ABCA12: variants seen among roughly 807,000 people sequenced by gnomAD.
ABCA12 encodes glucosylceramide transporter ABCA12.
A neutral mutation model predicts 293.5 loss-of-function variants in ABCA12; 156 were observed. The ratio of observed to expected loss-of-function variants is 0.53; its 90% CI spans 0.47 to 0.61. The LOEUF (loss-of-function observed/expected upper bound fraction) is 0.61. Among genes scored for constraint, ABCA12 ranks in the 20% least tolerant of loss-of-function variants. The pLI is 0.00. For synonymous variants in ABCA12, 1,063 were observed against 1,108.0 expected (o/e 0.96, Z 0.81); for missense variants, 2,797 against 3,090.2 (o/e 0.91, Z 2.25).
Position 215,133,787 on chromosome 2 carries a change from C to G in ABCA12, c.69+4353G>C, listed in dbSNP as rs144081212. On this transcript the variant is annotated intron_variant, in intron 1 of 52. Transcript: ENST00000272895. ...CACAGATATTAAAAATCATCAATTT[C>G]CAAGGCCTCCTTAGCAGATATTATC... 2.8e-3 allele frequency among the ~76,000 whole-genome samples: 423 copies of G among 152,146 alleles called. 2 individuals are homozygous for G. The highest frequency in any genetic ancestry group is 4.3e-3 in the Non-Finnish European group (293 of 67,980).
At chr2:215,111,105 G>T (rs901706941) in intron 2 of ABCA12, among the ~76,000 whole-genome samples, 2 of 152,284 alleles carry the variant, frequency 1.3e-5, no homozygotes, top group African/African-American at 2.4e-5. Context: ...CTGAAAGAGC[G>T]CTAATTAGAT....
chr2:214,979,295 G>A (rs1001136241), intron 31 of ABCA12, among the ~76,000 whole-genome samples: 1 of 151,894 alleles, frequency 6.6e-6, no homozygotes, highest in Non-Finnish European at 1.5e-5. Context: ...TCTCTTTTCT[G>A]TTGCTAGAGG....
At chr2:215,038,173 T>C (rs1029151092) in intron 7 of ABCA12, among the ~76,000 whole-genome samples, 11 of 152,136 alleles carry the variant, frequency 7.2e-5, no homozygotes, top group Non-Finnish European at 1.5e-4. Flanking sequence ...GATATACATG[T>C]GGATATGTGT....
intron 26 of ABCA12, among the ~76,000 whole-genome samples, chr2:214,988,885 A>C (rs1228526931): frequency 6.6e-6 from 1 of 151,888 alleles, no homozygotes; most frequent in Admixed American, 6.6e-5. Context: ...TTTTAATTAA[A>C]AAAAAGTTAA....
intron 2 of ABCA12, among the ~76,000 whole-genome samples, chr2:215,094,216 T>C (rs11888355): frequency 0.041 from 6,260 of 152,270 alleles, 414 homozygotes; most frequent in African/African-American, 0.14. Context: ...TGTCCTCCTT[T>C]ATTAATGCCT....
At chr2:214,993,303 C>T (rs1377409180) in intron 23 of ABCA12, among the ~76,000 whole-genome samples, 1 of 152,182 alleles carries the variant, frequency 6.6e-6, no homozygotes, top group Non-Finnish European at 1.5e-5. Context: ...AAATATGGGT[C>T]AAAGTAGCAT....
chr2:215,079,738 G>T (rs1054185260), intron 2 of ABCA12, among the ~76,000 whole-genome samples: 5 of 152,068 alleles, frequency 3.3e-5, no homozygotes, highest in Admixed American at 3.3e-4. Context: ...TTTTGGTGAG[G>T]TTGTACAGTT....
At chr2:214,957,583 G>A (rs1387841190) in intron 41 of ABCA12, among the ~76,000 whole-genome samples, 1 of 152,176 alleles carries the variant, frequency 6.6e-6, no homozygotes, top group African/African-American at 2.4e-5. Context: ...TGGATATGCA[G>A]TTAATTACTC....
chr2:214,957,747 G>C (rs979075903), intron 41 of ABCA12, among the ~76,000 whole-genome samples: 1 of 152,188 alleles, frequency 6.6e-6, no homozygotes, highest in Non-Finnish European at 1.5e-5. Context: ...ATGCAAATGA[G>C]AGAGCTATCA....
chr2:215,124,269 A>T (rs946591092), intron 1 of ABCA12, among the ~76,000 whole-genome samples: 3 of 152,226 alleles, frequency 2.0e-5, no homozygotes, highest in African/African-American at 7.2e-5. Flanking sequence ...GTGCTTCTAT[A>T]AACGTGTGTG....
chr2:214,931,915 C>G lies in ABCA12; in HGVS notation c.*719G>C, dbSNP rs1227646522. The G allele has an allele frequency of 1.3e-5, 2 of 152,132 alleles. No homozygotes were observed. Among genetic ancestry groups the G allele is most frequent in the Non-Finnish European group, 2.9e-5 (2 of 68,138 alleles). The allele number at this position is 152,132 out of a possible 1,614,324, so 9.4% of individuals were successfully genotyped here. On this transcript the variant is annotated 3_prime_UTR_variant, in exon 53 of 53. Coordinates refer to ENST00000272895, the MANE Select transcript of ABCA12 (RefSeq NM_173076.3). ...CACCCATTCCCCCCTCCCTTCCCCC[C>G]AGAGCAAGTGATTTCTTGTTCCACC...
chr2:215,125,625 A>G (rs961191106), intron 1 of ABCA12, among the ~76,000 whole-genome samples: 2 of 151,986 alleles, frequency 1.3e-5, no homozygotes, highest in African/African-American at 4.8e-5. Flanking sequence ...GAGAAGAGCT[A>G]CTGATTTTTC....
At chr2:214,997,108 C>T (rs960082713) in intron 23 of ABCA12, among the ~76,000 whole-genome samples, 2 of 152,164 alleles carry the variant, frequency 1.3e-5, no homozygotes, top group Non-Finnish European at 2.9e-5. Flanking sequence ...ATGCATCACA[C>T]TCCTGGTTCT....
rs554466088 is a variant in ABCA12 at position 214,944,933 on chromosome 2, G to A, written c.7343+68C>T. ...TGTATATATTTATTTATGTTATACA[G>A]GATTACCTTTTCCCACCTGTCATCC... On this transcript the variant is annotated intron_variant, in intron 49 of 52. Transcript: ENST00000272895. The A allele has an allele frequency of 2.5e-6, 3 of 1,224,254 alleles. No individual in the cohort carries two copies. In the African/African-American group the frequency reaches 4.5e-5, roughly 18 times the overall value. 75.8% of individuals were successfully genotyped at this position (1,224,254 alleles called of 1,614,324 possible). A position where few individuals can be genotyped will look rare whatever the true frequency, so the allele number is the denominator to read the frequency against.
intron 2 of ABCA12, among the ~76,000 whole-genome samples, chr2:215,096,704 CTG>C (rs1702256261): frequency 6.6e-6 from 1 of 152,136 alleles, no homozygotes; most frequent in Non-Finnish European, 1.5e-5. Context: ...ATTTCAATAA[CTG>C]TGTAATTCTT....
intron 20 of ABCA12, among the ~76,000 whole-genome samples, chr2:215,002,201 C>A (rs1192247015): frequency 2.6e-5 from 4 of 152,262 alleles, no homozygotes; most frequent in Admixed American, 1.3e-4. Flanking sequence ...TGTATTATTA[C>A]ATAAGCTGTG....
At position 215,061,415 on chromosome 2, in the gene ABCA12, T is replaced by C. The variant is rs142737351; in HGVS notation, c.317+2651A>G. Among the ~76,000 whole-genome samples, 544 of 152,156 alleles carry C rather than the reference T, an allele frequency of 3.6e-3. 4 individuals are homozygous for C. Among genetic ancestry groups the C allele is most frequent in the Middle Eastern group, 0.01 (3 of 294 alleles). ...TAAAAGAAACATGGCAGGCCTCTTT[T>C]GGTGAGACCAAAGGTGGCATTTTTC... is the stretch of plus-strand genomic sequence containing the variant. On this transcript the variant is annotated intron_variant, in intron 3 of 52. Coordinates refer to ENST00000272895, the MANE Select transcript of ABCA12 (RefSeq NM_173076.3).
intron 2 of ABCA12, among the ~76,000 whole-genome samples, chr2:215,109,394 T>C (rs1448979993): frequency 6.6e-6 from 1 of 152,178 alleles, no homozygotes; most frequent in East Asian, 1.9e-4. Context: ...ATTTGTAAAG[T>C]GAGAGGGTCA....
chr2:215,086,657 C>G (rs1702044417), intron 2 of ABCA12, among the ~76,000 whole-genome samples: 1 of 152,134 alleles, frequency 6.6e-6, no homozygotes, highest in East Asian at 1.9e-4. Flanking sequence ...GGAGCTAATG[C>G]CCACTGCTGC....
Sources: allele counts gnomAD v4.1 joint callset (sites outside exome capture counted in the v4.1 genomes callset), GRCh38; gene constraint gnomAD v4.1.1; transcripts MANE v1.5; gene names NCBI Gene and HGNC (gene_info 2026-07-23, HGNC 2026-07-21).